Variants in DOCK1 observed in about 807,000 individuals in gnomAD.
The protein encoded by DOCK1 is dedicator of cytokinesis protein 1.
A neutral mutation model predicts 262.7 loss-of-function variants in DOCK1; 138 were observed. That is an observed-to-expected ratio of 0.53 (90% CI 0.46 to 0.61). The LOEUF is 0.61. Among genes scored for constraint, DOCK1 ranks in the 20% least tolerant of loss-of-function variants. DOCK1 has a pLI of 0.00. For missense variants in DOCK1, 1,908 were observed against 2,370.7 expected, an observed-to-expected ratio of 0.80 and a Z score of 4.05; for synonymous variants, 866 against 867.4, an observed-to-expected ratio of 1.00 and a Z score of 0.03.
At chr10:127,142,043 G>A (rs1291030512) in intron 27 of DOCK1, among the ~76,000 whole-genome samples, 1 of 152,220 alleles carries the variant, frequency 6.6e-6, no homozygotes, top group Non-Finnish European at 1.5e-5. Flanking sequence ...TGAGTGACCA[G>A]CTACCACAGT....
In DOCK1 at chr10:127,429,857, C is replaced by A. The variant is rs535685780; in HGVS notation, c.4915-3426C>A. 2.6e-5 allele frequency among the ~76,000 whole-genome samples: 4 copies of A among 151,858 alleles called. No individual in the cohort carries two copies. The South Asian group carries it at 8.3e-4, about 31-fold the overall frequency. ...CATTGGCCCCCGTGCCCTCACCAGCCCACAGCGTGCAGGAGGCATGTGTGT... is the reference window on the plus strand; with the variant it reads ...CATTGGCCCCCGTGCCCTCACCAGCACACAGCGTGCAGGAGGCATGTGTGT... On this transcript the variant is annotated intron_variant, in intron 47 of 51. Coordinates refer to ENST00000623213, the MANE Select transcript of DOCK1 (RefSeq NM_001290223.2).
At chr10:127,307,194 TTG>T (rs2061906592) in intron 29 of DOCK1, among the ~76,000 whole-genome samples, 1 of 152,240 alleles carries the variant, frequency 6.6e-6, no homozygotes, top group African/African-American at 2.4e-5. Context: ...GTCTTCTGTG[TTG>T]ACAGCTGTCA....
chr10:127,058,149 G>C (rs1422449062), intron 22 of DOCK1, among the ~76,000 whole-genome samples: 1 of 152,114 alleles, frequency 6.6e-6, no homozygotes, highest in Non-Finnish European at 1.5e-5. Context: ...AAACATGTTG[G>C]TTGGCACAAG....
chr10:127,253,038 A>G (rs543533310), intron 28 of DOCK1, among the ~76,000 whole-genome samples: 1 of 152,292 alleles, frequency 6.6e-6, no homozygotes, highest in South Asian at 2.1e-4. Flanking sequence ...TGACTGATCC[A>G]GAAGAGAAAA....
At chr10:127,310,593 C>G (rs1228281957) in intron 29 of DOCK1, among the ~76,000 whole-genome samples, 1 of 152,198 alleles carries the variant, frequency 6.6e-6, no homozygotes, top group African/African-American at 2.4e-5. Context: ...TATGTAGAAA[C>G]TGTTCTCGTA....
intron 23 of DOCK1, among the ~76,000 whole-genome samples, chr10:127,103,483 G>A (rs1205577247): frequency 2.0e-5 from 3 of 152,134 alleles, no homozygotes; most frequent in Admixed American, 6.6e-5. Flanking sequence ...AAACTGCATT[G>A]CATTGCTGAT....
At chr10:127,094,154 G>T (rs1403222693) in intron 23 of DOCK1, among the ~76,000 whole-genome samples, 3 of 152,200 alleles carry the variant, frequency 2.0e-5, no homozygotes. Context: ...TGATCATTCC[G>T]CAGCACTCCA....
chr10:126,932,458 C>T (rs1040942086), intron 1 of DOCK1, among the ~76,000 whole-genome samples: 2 of 152,176 alleles, frequency 1.3e-5, no homozygotes, highest in South Asian at 2.1e-4. Context: ...TAGGATTTCT[C>T]GAAAAGTAAA....
chr10:127,203,330 A>AT (rs1479067074), intron 27 of DOCK1, among the ~76,000 whole-genome samples: 1 of 151,944 alleles, frequency 6.6e-6, no homozygotes, highest in African/African-American at 2.4e-5. Flanking sequence ...ATGTGTTTTT[A>AT]TTTTTTTTAA....
At chr10:127,115,315 A>AGT (rs2049116203) in intron 25 of DOCK1, among the ~76,000 whole-genome samples, 1 of 152,068 alleles carries the variant, frequency 6.6e-6, no homozygotes, top group Non-Finnish European at 1.5e-5. Flanking sequence ...GTGAATGGGC[A>AGT]GTGTGTGTGA....
chr10:127,162,134 A>G (rs2053642883), intron 27 of DOCK1, among the ~76,000 whole-genome samples: 2 of 152,184 alleles, frequency 1.3e-5, no homozygotes, highest in African/African-American at 2.4e-5. Context: ...GCCTGCAGAT[A>G]TATGTCAGGT....
intron 1 of DOCK1, among the ~76,000 whole-genome samples, chr10:126,954,795 A>G (rs2036597859): frequency 6.6e-6 from 1 of 152,204 alleles, no homozygotes; most frequent in East Asian, 1.9e-4. Flanking sequence ...GTATTTCATT[A>G]TATGTACATA....
intron 15 of DOCK1, 109 bp downstream of exon 15, chr10:127,024,892 G>C: frequency 1.1e-6 from 1 of 890,394 alleles, no homozygotes; most frequent in Non-Finnish European, 1.7e-6. Flanking sequence ...GCTCCAGGCA[G>C]GCAGAGTGTC....
chr10:127,424,162 A>G (rs1421110908), intron 46 of DOCK1, among the ~76,000 whole-genome samples: 1 of 152,210 alleles, frequency 6.6e-6, no homozygotes, highest in East Asian at 1.9e-4. Flanking sequence ...CCTGCAGTTC[A>G]GCCCCAAGTA....
chr10:127,325,103 C>T (rs908070969), intron 29 of DOCK1, among the ~76,000 whole-genome samples: 30 of 152,172 alleles, frequency 2.0e-4, no homozygotes, highest in African/African-American at 6.8e-4. Context: ...ACAAGGAGAA[C>T]CCATTTCTCT....
intron 27 of DOCK1, among the ~76,000 whole-genome samples, chr10:127,229,219 A>C (rs1237089692): frequency 1.3e-5 from 2 of 152,180 alleles, no homozygotes; most frequent in African/African-American, 4.8e-5. Context: ...GCAAGACTCC[A>C]TCTCAAAACA....
At chr10:127,422,739 A>C (rs1023306193) in intron 46 of DOCK1, among the ~76,000 whole-genome samples, 1 of 152,186 alleles carries the variant, frequency 6.6e-6, no homozygotes, top group Non-Finnish European at 1.5e-5. Context: ...AAAATTGTGA[A>C]TGATTCCATT....
chr10:127,317,965 GC>G (rs2062356677), intron 29 of DOCK1, among the ~76,000 whole-genome samples: 2 of 152,296 alleles, frequency 1.3e-5, no homozygotes, highest in South Asian at 4.1e-4. Flanking sequence ...GAGTCATCAG[GC>G]CATTCTACTG....
intron 27 of DOCK1, among the ~76,000 whole-genome samples, chr10:127,194,947 C>G (rs2057002563): frequency 6.6e-6 from 1 of 152,210 alleles, no homozygotes; most frequent in Admixed American, 6.5e-5. Flanking sequence ...GCGCGTGCAG[C>G]TCCCCAGCAC....
Sources: gnomAD v4.1 joint callset for allele counts (sites outside exome capture counted in the v4.1 genomes callset) on GRCh38, gnomAD v4.1.1 for gene constraint, MANE v1.5 for transcripts, NCBI Gene and HGNC (gene_info 2026-07-23, HGNC 2026-07-21) for gene names.